Variants in RORA observed in about 807,000 individuals in gnomAD.
The protein encoded by RORA is nuclear receptor ROR-alpha.
Under a neutral mutation model 69.5 loss-of-function variants are expected in RORA, and 7 were observed. That is an observed-to-expected ratio of 0.10 (90% CI 0.06 to 0.19). The LOEUF (loss-of-function observed/expected upper bound fraction) is 0.19, where lower values mean the gene tolerates loss of function less well. RORA is among the 10% of genes least tolerant of loss of function. The pLI, the probability that RORA is intolerant of heterozygous loss-of-function variation, is 1.00. For missense variants in RORA, 457 were observed against 663.0 expected (o/e 0.69, Z 3.41); for synonymous variants, 261 against 240.8 (o/e 1.08, Z -0.78).
intron 1 of RORA, among the ~76,000 whole-genome samples, chr15:61,072,420 A>G (rs1206821684): frequency 1.3e-5 from 2 of 152,204 alleles, no homozygotes; most frequent in Non-Finnish European, 2.9e-5. Context: ...TCACATTTCC[A>G]TATTCCAAAC....
At chr15:60,838,435 C>T (rs1469807990) in intron 1 of RORA, among the ~76,000 whole-genome samples, 1 of 152,124 alleles carries the variant, frequency 6.6e-6, no homozygotes, top group African/African-American at 2.4e-5. Context: ...GGTATGCTGT[C>T]CAAGCAGACA....
intron 1 of RORA, among the ~76,000 whole-genome samples, chr15:61,045,828 C>T (rs1424514960): frequency 2.0e-5 from 3 of 152,210 alleles, no homozygotes; most frequent in South Asian, 4.1e-4. Flanking sequence ...TGTCTGATCA[C>T]TTTAGCTATA....
chr15:60,724,866 C>G (rs1398677576), intron 1 of RORA, among the ~76,000 whole-genome samples: 1 of 152,122 alleles, frequency 6.6e-6, no homozygotes, highest in Non-Finnish European at 1.5e-5. Flanking sequence ...GGCCACCCTC[C>G]CAGAGAGGTG....
At position 60,706,516 on chromosome 15, in the gene RORA, G is replaced by A. The variant is rs183108389; in HGVS notation, c.167-27830C>T. ...TCTGTTTTGGTAGCTTCTATCTGTT[G>A]AAGCAATAGGAGATACACTACAAGT... On this transcript the variant is annotated intron_variant, in intron 1 of 10. Transcript: ENST00000335670. Among the ~76,000 whole-genome samples, 4 of 152,284 alleles carry A rather than the reference G, an allele frequency of 2.6e-5. No homozygotes were observed. The East Asian group carries it at 7.7e-4, about 29-fold the overall frequency.
At chr15:60,841,123 CA>C (rs1423611978) in intron 1 of RORA, 8 of 982,684 alleles carry the variant, frequency 8.1e-6, no homozygotes, top group Non-Finnish European at 9.7e-6. Flanking sequence ...CTGAGGGAAA[CA>C]ACTTTTTCTT....
intron 3 of RORA, among the ~76,000 whole-genome samples, chr15:60,519,501 T>G (rs1185262352): frequency 1.3e-5 from 2 of 152,194 alleles, no homozygotes; most frequent in African/African-American, 4.8e-5. Flanking sequence ...TCTGCTTCTC[T>G]TGTGTGTCAA....
At chr15:60,783,092 T>C (rs2072286623) in intron 1 of RORA, among the ~76,000 whole-genome samples, 1 of 152,200 alleles carries the variant, frequency 6.6e-6, no homozygotes, top group Non-Finnish European at 1.5e-5. Context: ...GAGCCTAATG[T>C]TCAATAATGG....
At chr15:60,672,347 G>A (rs904631903) in intron 2 of RORA, among the ~76,000 whole-genome samples, 2 of 152,112 alleles carry the variant, frequency 1.3e-5, no homozygotes, top group African/African-American at 4.8e-5. Flanking sequence ...CATTTTAAAA[G>A]CATTTAAACT....
chr15:61,223,669 C>G (rs2080119623), intron 1 of RORA, among the ~76,000 whole-genome samples: 1 of 152,114 alleles, frequency 6.6e-6, no homozygotes, highest in African/African-American at 2.4e-5. Context: ...ATTCTCAAAC[C>G]TCAAAGAAAG....
chr15:60,522,041 G>A (rs1229510082), intron 3 of RORA, among the ~76,000 whole-genome samples: 2 of 152,204 alleles, frequency 1.3e-5, no homozygotes, highest in Non-Finnish European at 2.9e-5. Context: ...CTGGGACAGA[G>A]GCCATGGTGT....
chr15:60,978,652 A>G (rs1474890949), intron 1 of RORA, among the ~76,000 whole-genome samples: 7 of 152,210 alleles, frequency 4.6e-5, no homozygotes, highest in Non-Finnish European at 1.0e-4. Context: ...TTATAACTTT[A>G]GATTTTACAT....
intron 2 of RORA, among the ~76,000 whole-genome samples, chr15:60,533,080 G>A (rs2066574151): frequency 6.6e-6 from 1 of 152,172 alleles, no homozygotes; most frequent in Non-Finnish European, 1.5e-5. Flanking sequence ...TGGATTTAAG[G>A]TGATGTTGCA....
chr15:61,198,205 A>C (rs1274572660), intron 1 of RORA, among the ~76,000 whole-genome samples: 2 of 152,214 alleles, frequency 1.3e-5, no homozygotes, highest in Non-Finnish European at 2.9e-5. Flanking sequence ...TGAGCAAAAT[A>C]CCAAAATGTT....
rs2066622143 is a variant in RORA, at chr15:60,534,565, A to G, written c.197-2714T>C. Among the ~76,000 whole-genome samples, 1 of 152,130 alleles carries G rather than the reference A, an allele frequency of 6.6e-6. No individual in the cohort carries two copies. The highest frequency in any genetic ancestry group is 2.4e-5 in the African/African-American group (1 of 41,432). On this transcript the variant is annotated intron_variant, in intron 2 of 10. Transcript: ENST00000335670. This position sits in a 1 kb window ranked among gnomAD's most constrained non-coding sequence, Gnocchi z 5.0. ...CCAGTGGGCTAAAGAATCAGATTTA[A>G]TTGAAACAGGCTTCACCGGGAATCT...
At chr15:60,622,741 A>C (rs993171878) in intron 2 of RORA, among the ~76,000 whole-genome samples, 1 of 152,168 alleles carries the variant, frequency 6.6e-6, no homozygotes, top group Non-Finnish European at 1.5e-5. Flanking sequence ...TTTGAGGTGC[A>C]GTCTCGCTGT....
intron 1 of RORA, among the ~76,000 whole-genome samples, chr15:60,744,660 C>T (rs1451292131): frequency 6.6e-6 from 1 of 152,162 alleles, no homozygotes; most frequent in Non-Finnish European, 1.5e-5. Flanking sequence ...CCAGCTTGCT[C>T]TGAGGACTGT....
chr15:60,601,253 G>A (rs1263085633), intron 2 of RORA, among the ~76,000 whole-genome samples: 3 of 152,110 alleles, frequency 2.0e-5, no homozygotes, highest in African/African-American at 7.2e-5. Flanking sequence ...TTCTATAATT[G>A]AGCAAGGTTA....
In RORA at chr15:61,105,006, C is replaced by T. The variant is rs957914599; in HGVS notation, c.166+124047G>A. ...CATGATCATGAGGCGCCCCCCCCAC[C>T]GCCCAGCCACGTGGAACTCTGAGTC... On this transcript the variant is annotated intron_variant, in intron 1 of 10. Coordinates refer to ENST00000335670, the MANE Select transcript of RORA (RefSeq NM_134261.3). Among the ~76,000 whole-genome samples the T allele has an allele frequency of 4.3e-5, 6 of 141,112 alleles. No individual in the cohort carries two copies. In the South Asian group the frequency reaches 1.1e-3, roughly 25 times the overall value. 92.6% of individuals were successfully genotyped at this position (141,112 alleles called of 152,430 possible).
At chr15:60,710,172 G>T (rs893813440) in intron 1 of RORA, among the ~76,000 whole-genome samples, 1 of 152,148 alleles carries the variant, frequency 6.6e-6, no homozygotes, top group African/African-American at 2.4e-5. Flanking sequence ...CTTAGACTTG[G>T]GAAGACAGGT....
Sources: allele counts gnomAD v4.1 joint callset (sites outside exome capture counted in the v4.1 genomes callset), GRCh38; gene constraint gnomAD v4.1.1; non-coding constraint Gnocchi (gnomAD v3.1); transcripts MANE v1.5; gene names NCBI Gene and HGNC (gene_info 2026-07-23, HGNC 2026-07-21).